CGNL1: variants seen among roughly 807,000 people sequenced by gnomAD.
CGNL1 encodes the protein cingulin like 1.
Under a neutral mutation model 141.2 loss-of-function variants are expected in CGNL1, and 132 were observed. That is an observed-to-expected ratio of 0.93 (90% CI 0.81 to 1.08). The LOEUF (loss-of-function observed/expected upper bound fraction) is 1.08. Ranked by LOEUF, CGNL1 falls within the 50% of genes least tolerant of loss-of-function variation. The probability of loss-of-function intolerance (pLI) is 0.00; values close to 1 mark genes in which losing one functional copy is unlikely to be tolerated. For synonymous variants in CGNL1, 690 were observed against 622.1 expected, an observed-to-expected ratio of 1.11 and a Z score of -1.63; for missense variants, 1,870 against 1,588.6, an observed-to-expected ratio of 1.18 and a Z score of -3.01.
chr15:57,475,973 CG>C (rs1483864906), intron 8 of CGNL1, among the ~76,000 whole-genome samples: 1 of 152,128 alleles, frequency 6.6e-6, no homozygotes, highest in African/African-American at 2.4e-5. Context: ...TTTTGTCCCT[CG>C]GGTGGCATTT....
chr15:57,529,076 C>G (rs1162618702), intron 13 of CGNL1: 1 of 346,962 alleles, frequency 2.9e-6, no homozygotes, highest in African/African-American at 2.1e-5. Flanking sequence ...GGAACAGATT[C>G]TCAGGGACAT....
Position 57,438,788 on chromosome 15 carries a change from T to C in CGNL1, c.789T>C (p.His263=), listed in dbSNP as rs2063142620. 3 of 1,614,130 alleles carry C rather than the reference T, an allele frequency of 1.9e-6. No individual in the cohort carries two copies. The highest frequency in any genetic ancestry group is 1.6e-4 in the Middle Eastern group (1 of 6,062). The change falls in exon 2 of 19, where the codon CAT becomes CAC. Residue 263 remains histidine (H), a synonymous_variant. Transcript: ENST00000281282. ...GGCCCCTGACTGCCCACAGCCCACATGCCCACCCTGAAACCAAGAAAACCA... is the reference window on the plus strand; with the variant it reads ...GGCCCCTGACTGCCCACAGCCCACACGCCCACCCTGAAACCAAGAAAACCA... The part of the protein sequence containing the change: ...SGRPLTAHSP[H]AHPETKKTRP...
At chr15:57,468,875 G>A (rs947423087) in intron 8 of CGNL1, among the ~76,000 whole-genome samples, 1 of 152,120 alleles carries the variant, frequency 6.6e-6, no homozygotes, top group Non-Finnish European at 1.5e-5. Flanking sequence ...GTTTTATCAG[G>A]GATTTCCGCT....
intron 8 of CGNL1, among the ~76,000 whole-genome samples, chr15:57,492,506 A>G (rs2063879986): frequency 1.3e-5 from 2 of 152,236 alleles, no homozygotes; most frequent in Non-Finnish European, 2.9e-5. Context: ...ATAGAGTAAA[A>G]TAAAAAAGAT....
chr15:57,453,552 G>A (rs539018946), intron 6 of CGNL1, 131 bp from the exon 7 acceptor site: 1 of 1,185,632 alleles, frequency 8.4e-7, no homozygotes, highest in South Asian at 1.5e-5. Context: ...CTTGCTCAGT[G>A]CAGAACAGAG....
chr15:57,545,983 T>C (rs972199248), intron 17 of CGNL1, 93 bp from the exon 18 acceptor site: 1 of 1,419,644 alleles, frequency 7.0e-7, no homozygotes. Flanking sequence ...CATGTCTTGG[T>C]TGCCTGGGGA....
At chr15:57,383,544 T>C (rs1330136870) in intron 1 of CGNL1, among the ~76,000 whole-genome samples, 1 of 151,986 alleles carries the variant, frequency 6.6e-6, no homozygotes, top group Non-Finnish European at 1.5e-5. Context: ...GTGATCCGCC[T>C]GCCTCAGCCT....
At chr15:57,459,327 T>G (rs2063417910) in intron 7 of CGNL1, among the ~76,000 whole-genome samples, 1 of 152,234 alleles carries the variant, frequency 6.6e-6, no homozygotes. Flanking sequence ...ATCTGTATCC[T>G]TCTTTCAACA....
chr15:57,416,273 G>A (rs772452504), intron 1 of CGNL1, among the ~76,000 whole-genome samples: 1 of 150,654 alleles, frequency 6.6e-6, no homozygotes, highest in Non-Finnish European at 1.5e-5. Context: ...GTTGGAAACC[G>A]ACCATTCCTT....
intron 8 of CGNL1, among the ~76,000 whole-genome samples, chr15:57,496,633 AAG>A (rs1448889465): frequency 6.6e-6 from 1 of 152,144 alleles, no homozygotes; most frequent in Non-Finnish European, 1.5e-5. Context: ...ATGATCAAGA[AAG>A]AGGTTGGTGG....
chr15:57,436,905 G>A (rs987175094), intron 1 of CGNL1, among the ~76,000 whole-genome samples: 9 of 152,170 alleles, frequency 5.9e-5, no homozygotes, highest in Admixed American at 5.2e-4. Context: ...TTTGAAAATT[G>A]GATGGAATAG....
chr15:57,396,116 C>T (rs1436509501), intron 1 of CGNL1, among the ~76,000 whole-genome samples: 5 of 152,060 alleles, frequency 3.3e-5, no homozygotes, highest in Admixed American at 6.6e-5. Flanking sequence ...TTGCATGTAG[C>T]GATAATTTGT....
At chr15:57,442,880 A>G (rs1467559463) in intron 4 of CGNL1, among the ~76,000 whole-genome samples, 1 of 152,166 alleles carries the variant, frequency 6.6e-6, no homozygotes, top group Non-Finnish European at 1.5e-5. Flanking sequence ...TGGCCTCCCA[A>G]AGTGCTAGGA....
At chr15:57,461,104 G>A (rs1399026000) in intron 7 of CGNL1, among the ~76,000 whole-genome samples, 12 of 152,168 alleles carry the variant, frequency 7.9e-5, no homozygotes, top group Admixed American at 6.5e-5. Flanking sequence ...ATTTATAGTG[G>A]AGCCTGTTGC....
At chr15:57,441,456 C>T (rs1236714421) in intron 3 of CGNL1, among the ~76,000 whole-genome samples, 1 of 152,058 alleles carries the variant, frequency 6.6e-6, no homozygotes, top group Non-Finnish European at 1.5e-5. Flanking sequence ...GCAACCCCCA[C>T]CTCCCAGGTT....
intron 1 of CGNL1, among the ~76,000 whole-genome samples, chr15:57,388,639 T>C (rs1384003562): frequency 6.6e-6 from 1 of 152,234 alleles, no homozygotes; most frequent in African/African-American, 2.4e-5. Context: ...CAGAGCTAAT[T>C]TGCCTGCATA....
At chr15:57,510,046 G>T (rs2030116624) in intron 8 of CGNL1, among the ~76,000 whole-genome samples, 1 of 152,180 alleles carries the variant, frequency 6.6e-6, no homozygotes, top group Admixed American at 6.5e-5. Flanking sequence ...ACTATTAGAA[G>T]ATCTCAATTC....
At chr15:57,405,811 C>CTTTCT (rs1567096718) in intron 1 of CGNL1, among the ~76,000 whole-genome samples, 1 of 53,584 alleles carries the variant, frequency 1.9e-5, no homozygotes, top group East Asian at 4.5e-4. Context: ...TCTTTCTTTC[C>CTTTCT]TTCTTTCTTT....
intron 8 of CGNL1, among the ~76,000 whole-genome samples, chr15:57,496,197 C>G (rs1194488092): frequency 5.3e-5 from 8 of 152,172 alleles, no homozygotes; most frequent in African/African-American, 1.4e-4. Flanking sequence ...TAGTTCCTTA[C>G]TTGTAGGGCC....
Sources: allele counts gnomAD v4.1 joint callset (sites outside exome capture counted in the v4.1 genomes callset), GRCh38; gene constraint gnomAD v4.1.1; transcripts MANE v1.5; gene names NCBI Gene and HGNC (gene_info 2026-07-23, HGNC 2026-07-21).